The following TMEM132C variants were observed in gnomAD, a reference collection of about 807,000 sequenced individuals.
TMEM132C encodes transmembrane protein 132C.
TMEM132C carries 29 observed loss-of-function variants against 61.4 expected under a neutral mutation model. The ratio of observed to expected loss-of-function variants is 0.47; its 90% CI spans 0.35 to 0.64. The LOEUF (loss-of-function observed/expected upper bound fraction) is 0.64, where lower values mean the gene tolerates loss of function less well. Ranked by LOEUF, TMEM132C falls within the 30% of genes least tolerant of loss-of-function variation. The pLI is 0.00. For missense variants in TMEM132C, 1,408 were observed against 1,476.9 expected (o/e 0.95, Z 0.76); for synonymous variants, 656 against 633.1 (o/e 1.04, Z -0.54).
At chr12:128,687,114 A>G (rs1453390704) in intron 5 of TMEM132C, among the ~76,000 whole-genome samples, 1 of 149,814 alleles carries the variant, frequency 6.7e-6, no homozygotes, top group Non-Finnish European at 1.5e-5. Flanking sequence ...AGGCAGGGGA[A>G]TCACTTAAAC....
chr12:128,551,016 G>A (rs117162580), intron 3 of TMEM132C, among the ~76,000 whole-genome samples: 56 of 152,300 alleles, frequency 3.7e-4, no homozygotes, highest in Admixed American at 5.9e-4. Flanking sequence ...TGCAGGCTGG[G>A]TCATTGAAAG....
At chr12:128,425,382 A>C (rs763913075) in intron 2 of TMEM132C, among the ~76,000 whole-genome samples, 1 of 152,264 alleles carries the variant, frequency 6.6e-6, no homozygotes, top group East Asian at 1.9e-4. Context: ...GATGTCAGAC[A>C]TGCCAGAACC....
chr12:128,386,132 C>A (rs960900712), intron 1 of TMEM132C, among the ~76,000 whole-genome samples: 6 of 152,174 alleles, frequency 3.9e-5, no homozygotes, highest in African/African-American at 1.4e-4. Context: ...AAGTGCCTCC[C>A]CATCAGAACT....
intron 2 of TMEM132C, among the ~76,000 whole-genome samples, chr12:128,430,212 G>A (rs770853103): frequency 7.9e-5 from 12 of 152,106 alleles, no homozygotes; most frequent in Admixed American, 1.3e-4. Flanking sequence ...ACTTCGCTTC[G>A]TATGACACAG....
In TMEM132C at chr12:128,565,038, C is replaced by A. The variant is rs369217821; in HGVS notation, c.1121+20935C>A. ...AAATATTATGGGATATCTAACTAACCAATAGTGATATGCCACTCCCATGAT... is the reference window on the plus strand; with the variant it reads ...AAATATTATGGGATATCTAACTAACAAATAGTGATATGCCACTCCCATGAT... On this transcript the variant is annotated intron_variant, in intron 3 of 8. Transcript: ENST00000435159. Among the ~76,000 whole-genome samples, 44 of 152,260 alleles carry A rather than the reference C, an allele frequency of 2.9e-4. 1 individual carries two copies. Among genetic ancestry groups the A allele is most frequent in the Middle Eastern group, 3.4e-3 (1 of 294 alleles).
At chr12:128,335,889 C>G (rs1034329892) in intron 1 of TMEM132C, among the ~76,000 whole-genome samples, 8 of 152,200 alleles carry the variant, frequency 5.3e-5, no homozygotes, top group Non-Finnish European at 4.4e-5. Context: ...TTACTCTAAT[C>G]TCTTTCTCTC....
Position 128,497,086 on chromosome 12 carries a change from C to A in TMEM132C, c.975-46871C>A, listed in dbSNP as rs543500601. ...TTAGCTGCAGGTCTGTTGGAGTTTG[C>A]TGGAGGTCCACTCCAGACCCTGTTT... On this transcript the variant is annotated intron_variant, in intron 2 of 8. Transcript: ENST00000435159. Among the ~76,000 whole-genome samples the A allele has an allele frequency of 1.5e-3, 226 of 152,340 alleles. 3 individuals carry two copies. Among genetic ancestry groups the A allele is most frequent in the African/African-American group, 4.6e-3 (190 of 41,580 alleles).
chr12:128,282,981 G>T (rs1307702175), intron 1 of TMEM132C, among the ~76,000 whole-genome samples: 2 of 152,168 alleles, frequency 1.3e-5, no homozygotes, highest in East Asian at 3.8e-4. Context: ...TTAAGGTGGT[G>T]TCTGCTGGGC....
chr12:128,322,918 A>G (rs1872381666), intron 1 of TMEM132C, among the ~76,000 whole-genome samples: 1 of 152,218 alleles, frequency 6.6e-6, no homozygotes, highest in East Asian at 1.9e-4. Flanking sequence ...TTAAATATGC[A>G]ATATTATTAT....
At chr12:128,550,164 A>T (rs1238655009) in intron 3 of TMEM132C, among the ~76,000 whole-genome samples, 1 of 152,202 alleles carries the variant, frequency 6.6e-6, no homozygotes, top group Non-Finnish European at 1.5e-5. Context: ...AATTCTGGAA[A>T]GTCCGAGGTC....
At chr12:128,268,794 C>T (rs894906583) in intron 1 of TMEM132C, among the ~76,000 whole-genome samples, 3 of 151,596 alleles carry the variant, frequency 2.0e-5, no homozygotes, top group Non-Finnish European at 2.9e-5. Flanking sequence ...GCTGCGCTTT[C>T]CCAGATACAC....
chr12:128,282,489 T>C (rs1390137327), intron 1 of TMEM132C, among the ~76,000 whole-genome samples: 1 of 152,168 alleles, frequency 6.6e-6, no homozygotes, highest in Non-Finnish European at 1.5e-5. Context: ...AACCGTCAGA[T>C]CTTGTGAGAA....
At position 128,623,175 on chromosome 12, in the gene TMEM132C, C is replaced by T. The variant is rs567643247; in HGVS notation, c.1305+6840C>T. Reference sequence around the variant, plus strand: ...CATACCCACTGCCTGCCAGAGTCAACAATCAAAAAATTTGAGGAATCATTG... The same window carrying T: ...CATACCCACTGCCTGCCAGAGTCAATAATCAAAAAATTTGAGGAATCATTG... On this transcript the variant is annotated intron_variant, in intron 4 of 8. Transcript: ENST00000435159. 5.9e-5 allele frequency among the ~76,000 whole-genome samples: 9 copies of T among 152,180 alleles called. No individual in the cohort carries two copies. In the East Asian group the frequency reaches 1.7e-3, roughly 29 times the overall value.
At chr12:128,653,959 C>A (rs1351309782) in intron 4 of TMEM132C, among the ~76,000 whole-genome samples, 1 of 152,144 alleles carries the variant, frequency 6.6e-6, no homozygotes, top group Non-Finnish European at 1.5e-5. Context: ...TGTGGTGACA[C>A]CAGCCCTTTC....
In TMEM132C at chr12:128,651,522, C is replaced by T. The variant is rs115280869; in HGVS notation, c.1306-17895C>T. 7.0e-3 allele frequency among the ~76,000 whole-genome samples: 1,062 copies of T among 152,328 alleles called. 15 individuals are homozygous for T. Among genetic ancestry groups the T allele is most frequent in the African/African-American group, 0.024 (1,010 of 41,572 alleles). On this transcript the variant is annotated intron_variant, in intron 4 of 8. Coordinates refer to ENST00000435159, the MANE Select transcript of TMEM132C (RefSeq NM_001136103.3). ...AAATGGTTTCTCCTTTTCTTTCATG[C>T]TCTATATGTTCATTAAGCAACTACT...
At chr12:128,453,999 C>T (rs1476522339) in intron 2 of TMEM132C, among the ~76,000 whole-genome samples, 2 of 152,214 alleles carry the variant, frequency 1.3e-5, no homozygotes, top group South Asian at 2.1e-4. Flanking sequence ...AGGCAAAAGA[C>T]CTAACATGAA....
At chr12:128,612,705 C>T (rs965078306) in intron 3 of TMEM132C, among the ~76,000 whole-genome samples, 20 of 152,226 alleles carry the variant, frequency 1.3e-4, no homozygotes, top group Non-Finnish European at 2.4e-4. Context: ...TTAACAGTCA[C>T]GTGTTATTTT....
At chr12:128,395,526 A>C in intron 1 of TMEM132C, among the ~76,000 whole-genome samples, 1 of 152,208 alleles carries the variant, frequency 6.6e-6, no homozygotes, top group East Asian at 1.9e-4. Flanking sequence ...AATACATTTA[A>C]TACACCTAAC....
At chr12:128,657,457 G>A (rs1008881312) in intron 4 of TMEM132C, among the ~76,000 whole-genome samples, 1 of 152,180 alleles carries the variant, frequency 6.6e-6, no homozygotes, top group African/African-American at 2.4e-5. Context: ...ATTGGATGTT[G>A]CAATGAGGTG....
Sources: allele counts gnomAD v4.1 joint callset (sites outside exome capture counted in the v4.1 genomes callset), GRCh38; gene constraint gnomAD v4.1.1; transcripts MANE v1.5; gene names NCBI Gene and HGNC (gene_info 2026-07-23, HGNC 2026-07-21).